Variants in CLCNKA observed in about 807,000 individuals in gnomAD.
The protein encoded by CLCNKA is chloride voltage-gated channel Ka.
A neutral mutation model predicts 83.3 loss-of-function variants in CLCNKA; 66 were observed. The observed-to-expected ratio is 0.79, with a 90% CI of 0.65 to 0.97. The LOEUF (loss-of-function observed/expected upper bound fraction) is 0.97. Ranked by LOEUF, CLCNKA falls within the 50% of genes least tolerant of loss-of-function variation. The pLI is 0.00. For synonymous variants in CLCNKA, 357 were observed against 370.4 expected, an observed-to-expected ratio of 0.96 and a Z score of 0.42; for missense variants, 806 against 888.7, an observed-to-expected ratio of 0.91 and a Z score of 1.18.
At position 16,032,336 on chromosome 1, in the gene CLCNKA, G is replaced by A. The variant is rs747004851; in HGVS notation, c.1845+45G>A. On this transcript the variant is annotated intron_variant, in intron 17 of 19. Coordinates refer to ENST00000331433, the MANE Select transcript of CLCNKA (RefSeq NM_004070.4). ...GTGGGGATGGGGCGGGGGTGGGTCA[G>A]CAGGGATGGGAGGGGAGGGACCCGC... is the stretch of plus-strand genomic sequence containing the variant. 4.9e-6 allele frequency: 7 copies of A among 1,436,282 alleles called. No individual in the cohort carries two copies. The South Asian group carries it at 8.0e-5, about 16-fold the overall frequency. 89.0% of individuals were successfully genotyped at this position (1,436,282 alleles called of 1,614,324 possible).
chr1:16,030,673 G>A lies in CLCNKA; in HGVS notation c.1621G>A (p.Gly541Ser), dbSNP rs760681611. Residue 541 changes from glycine to serine, a missense_variant and splice_region_variant, in exon 15 of 20, where the codon GGC becomes AGC. Coordinates refer to ENST00000331433, the MANE Select transcript of CLCNKA (RefSeq NM_004070.4). ...GCCACGGATTCTGGGCCGCAACATC[G>A]GGTGAGTGGTGCCCACCTCAGGCTG... ...YLPRILGRNI[G>S]SHHVRVEHFM... The A allele has an allele frequency of 8.7e-6, 14 of 1,613,130 alleles. No homozygotes were observed. The highest frequency in any genetic ancestry group is 2.2e-5 in the East Asian group (1 of 44,892).
At chr1:16,025,673 T>C (rs1378229188) in intron 4 of CLCNKA, among the ~76,000 whole-genome samples, 1 of 151,730 alleles carries the variant, frequency 6.6e-6, no homozygotes, top group African/African-American at 2.4e-5. Context: ...GACAATAGGG[T>C]GATACCCTGT....
At position 16,026,637 on chromosome 1, in the gene CLCNKA, G is replaced by A. The variant is rs747105403; in HGVS notation, c.576+24G>A. ...AGGTTAGGGACTCGGGGGCTTCCTT[G>A]GAGAAATGGGAGTGGGGAGGGAGGG... On this transcript the variant is annotated intron_variant, in intron 6 of 19. Coordinates refer to ENST00000331433, the MANE Select transcript of CLCNKA (RefSeq NM_004070.4). 3.7e-6 allele frequency: 6 copies of A among 1,613,782 alleles called. No individual in the cohort carries two copies. In the Admixed American group the frequency reaches 1.0e-4, roughly 27 times the overall value.
Position 16,022,668 on chromosome 1 carries a change from ACT to A in CLCNKA, c.52_53del (p.Leu18AlafsTer174), listed in dbSNP as rs1557446797. The A allele has an allele frequency of 8.9e-6, 14 of 1,564,720 alleles. No individual in the cohort carries two copies. The highest frequency in any genetic ancestry group is 5.7e-5 in the Admixed American group (3 of 53,042). On this transcript the variant is annotated frameshift_variant, in exon 2 of 20. Transcript: ENST00000331433. LOFTEE classifies it high-confidence loss of function. ...TGAGGGCTTCTCAGGGGACCCTGTG[ACT>A]CTGCAGGAGCTGTGGGGCCCCTGTC... ...LREGFSGDPV[T>X]LQELWGPCPH...
rs749411691 is a variant in CLCNKA, at chr1:16,026,132, C to T, written c.383C>T (p.Thr128Ile). Residue 128 changes from threonine to isoleucine, a missense_variant, in exon 5 of 20, where the codon ACC becomes ATC. By Grantham distance (89) the Thr-to-Ile change is moderately conservative. Transcript: ENST00000331433. ...SGGSGIPELKTMLAGVILEDY... is the reference protein window; with the variant it reads ...SGGSGIPELKIMLAGVILEDY... ...GGTTCTGGAATCCCGGAGCTGAAGACCATGTTGGCGGGTGTGATCTTGGAG... is the reference window on the plus strand; with the variant it reads ...GGTTCTGGAATCCCGGAGCTGAAGATCATGTTGGCGGGTGTGATCTTGGAG... 5 of 1,612,954 alleles carry T rather than the reference C, an allele frequency of 3.1e-6. No homozygotes were observed. Among genetic ancestry groups the T allele is most frequent in the East Asian group, 4.5e-5 (2 of 44,878 alleles).
intron 8 of CLCNKA, among the ~76,000 whole-genome samples, 190 bp downstream of exon 8, chr1:16,027,625 G>GAA (rs2124037773): frequency 6.6e-6 from 1 of 152,302 alleles, no homozygotes; most frequent in African/African-American, 2.4e-5. Context: ...CCTGTGTTGA[G>GAA]GGGCAAGGGG....
chr1:16,033,060 C>T (rs1254154526), intron 18 of CLCNKA, 110 bp from the exon 19 acceptor site: 3 of 1,165,426 alleles, frequency 2.6e-6, no homozygotes, highest in Non-Finnish European at 3.9e-6. Context: ...TTGCCTCCCA[C>T]ACATATCAGG....
Position 16,030,642 on chromosome 1 carries a change from A to G in CLCNKA, c.1590A>G (p.Pro530=), listed in dbSNP as rs2022586348. ...YDGTIIVKKL[P]YLPRILGRNI... ...GCACCATCATTGTCAAGAAGCTGCC[A>G]TACCTGCCACGGATTCTGGGCCGCA... Residue 530 remains proline (P), a synonymous_variant, in exon 15 of 20, where the codon CCA becomes CCG. Transcript: ENST00000331433. The G allele has an allele frequency of 6.2e-7, 1 of 1,613,164 alleles. No homozygotes were observed. The highest frequency in any genetic ancestry group is 8.5e-7 in the Non-Finnish European group (1 of 1,180,036).
chr1:16,030,370 C>A, intron 14 of CLCNKA, 91 bp from the exon 15 acceptor site: 3 of 1,500,258 alleles, frequency 2.0e-6, no homozygotes, highest in Non-Finnish European at 2.8e-6. Flanking sequence ...CCCACCCTAG[C>A]CCCCGGCAGC....
In CLCNKA at chr1:16,029,214, A is replaced by C; in HGVS notation, c.1142A>C (p.Glu381Ala). The C allele has an allele frequency of 6.2e-7, 1 of 1,613,630 alleles. No homozygotes were observed. The highest frequency in any genetic ancestry group is 8.5e-7 in the Non-Finnish European group (1 of 1,179,864). ...TQNSSPPWPE[E>A]LDPQHLWWEW... ...AACTCCAGCCCACCCTGGCCCGAGG[A>C]GCTCGACCCCCAGCACCTTTGGTGG... Residue 381 changes from glutamate to alanine, a missense_variant, in exon 12 of 20, where the codon GAG becomes GCG. By Grantham distance (107) the Glu-to-Ala change is moderately radical. Coordinates refer to ENST00000331433, the MANE Select transcript of CLCNKA (RefSeq NM_004070.4).
Position 16,029,287 on chromosome 1 carries a change from C to G in CLCNKA, c.1215C>G (p.Phe405Leu). 2 of 1,613,854 alleles carry G rather than the reference C, an allele frequency of 1.2e-6. No homozygotes were observed. Among genetic ancestry groups the G allele is most frequent in the Non-Finnish European group, 1.7e-6 (2 of 1,180,004 alleles). Reference protein sequence around the residue: ...RFTIFGTLAFFLVMKFWMLIL... With the variant: ...RFTIFGTLAFLLVMKFWMLIL... ...CCATCTTTGGGACCCTTGCCTTCTTCCTGGTTATGAAGGTGGGCCCCCTGA... is the reference window on the plus strand; with the variant it reads ...CCATCTTTGGGACCCTTGCCTTCTTGCTGGTTATGAAGGTGGGCCCCCTGA... The change falls in exon 12 of 20, where the codon TTC becomes TTG. Residue 405 changes from phenylalanine to leucine, a missense_variant. By Grantham distance (22) the Phe-to-Leu change is conservative (BLOSUM62 0). Coordinates refer to ENST00000331433, the MANE Select transcript of CLCNKA (RefSeq NM_004070.4).
intron 15 of CLCNKA, 124 bp from the exon 16 acceptor site, chr1:16,031,586 C>T: frequency 1.4e-6 from 2 of 1,407,860 alleles, no homozygotes; most frequent in Non-Finnish European, 2.0e-6. Context: ...GGAACCTCTC[C>T]AGCCCTGCTC....
At chr1:16,028,176 C>T (rs1233027823) in intron 10 of CLCNKA, 57 bp downstream of exon 10, 9 of 1,513,314 alleles carry the variant, frequency 5.9e-6, no homozygotes, top group Non-Finnish European at 7.3e-6. Flanking sequence ...GGACTCCAGA[C>T]CTTATGTAGA....
chr1:16,029,657 C>G lies in CLCNKA; in HGVS notation c.1228-74C>G, dbSNP rs61772370. 19 of 1,559,136 alleles carry G rather than the reference C, an allele frequency of 1.2e-5. No homozygotes were observed. The South Asian group carries it at 1.9e-4, about 15-fold the overall frequency. On this transcript the variant is annotated intron_variant, in intron 12 of 19. Transcript: ENST00000331433. ...TTCTATCTAGGACACTCCCCTGTCC[C>G]CTGTCCTGTCTTCTCTTGTCCACAC...
intron 2 of CLCNKA, among the ~76,000 whole-genome samples, chr1:16,022,978 G>A (rs2022197778): frequency 6.6e-6 from 1 of 152,214 alleles, no homozygotes; most frequent in Non-Finnish European, 1.5e-5. Flanking sequence ...CTTCCACCCA[G>A]GCCTCTCCCT....
rs2022285289 is a variant in CLCNKA at position 16,024,847 on chromosome 1, C to G, written c.314C>G (p.Ser105Cys). Residue 105 changes from serine (S) to cysteine (C), a missense_variant, in exon 4 of 20, where the codon TCT becomes TGT. Ser to Cys is a moderately radical substitution (Grantham distance 112). Coordinates refer to ENST00000331433, the MANE Select transcript of CLCNKA (RefSeq NM_004070.4). ...ACTGTGTACCCTGTGGCCCTCGTCTCTTTCTCCTCAGGCTTCTCCCAGAGC... is the reference window on the plus strand; with the variant it reads ...ACTGTGTACCCTGTGGCCCTCGTCTGTTTCTCCTCAGGCTTCTCCCAGAGC... ...SWTVYPVALV[S>C]FSSGFSQSIT... is the part of the protein sequence containing the mutation. 2.5e-6 allele frequency: 4 copies of G among 1,614,182 alleles called. No homozygotes were observed. The highest frequency in any genetic ancestry group is 3.4e-6 in the Non-Finnish European group (4 of 1,180,026).
At position 16,031,251 on chromosome 1, in the gene CLCNKA, C is replaced by CT. The variant is rs200569727; in HGVS notation, c.1623-458dup. 4.8e-3 allele frequency among the ~76,000 whole-genome samples: 738 copies of CT among 152,260 alleles called. 8 individuals are homozygous for CT. The highest frequency in any genetic ancestry group is 0.016 in the African/African-American group (682 of 41,576). ...CTGTTTCCCCATCGGGAAAATGGGG[C>CT]TGTTTATACCAGTGATTTTCAACCT... On this transcript the variant is annotated intron_variant, in intron 15 of 19. Transcript: ENST00000331433.
At chr1:16,033,327 G>T (rs1235379398) in intron 19 of CLCNKA, 71 bp downstream of exon 19, 1 of 1,514,844 alleles carries the variant, frequency 6.6e-7, no homozygotes, top group South Asian at 1.1e-5. Flanking sequence ...TGGGGAGGTG[G>T]GGGGACACCA....
At position 16,028,872 on chromosome 1, in the gene CLCNKA, G is replaced by A. The variant is rs762635078; in HGVS notation, c.1053+27G>A. 38 of 1,609,564 alleles carry A rather than the reference G, an allele frequency of 2.4e-5. 1 individual carries two copies. In the South Asian group the frequency reaches 4.2e-4, roughly 18 times the overall value. On this transcript the variant is annotated intron_variant, in intron 11 of 19. Transcript: ENST00000331433. The stretch of plus-strand genomic sequence containing the variant: ...TAAGGGGTCCTGAGCGGGGGTGGCA[G>A]GAGTGGGAACCCCCATTTGTTTTCC...
Sources: gnomAD v4.1 joint callset for allele counts (sites outside exome capture counted in the v4.1 genomes callset) on GRCh38, gnomAD v4.1.1 for gene constraint, MANE v1.5 for transcripts, NCBI Gene and HGNC (gene_info 2026-07-23, HGNC 2026-07-21) for gene names.